The following RNF19B variants were observed in gnomAD, a reference collection of about 807,000 sequenced individuals.
RNF19B encodes E3 ubiquitin-protein ligase RNF19B.
In RNF19B, 23 loss-of-function variants were observed where a neutral mutation model predicts 65.5. The observed-to-expected ratio is 0.35, with a 90% CI of 0.25 to 0.50. The LOEUF (loss-of-function observed/expected upper bound fraction) is 0.50, where lower values mean the gene tolerates loss of function less well. Ranked by LOEUF, RNF19B falls within the 20% of genes least tolerant of loss-of-function variation. RNF19B has a pLI of 0.98. For synonymous variants in RNF19B, 372 were observed against 379.6 expected (o/e 0.98, Z 0.23); for missense variants, 794 against 980.0 (o/e 0.81, Z 2.53).
chr1:32,929,693 G>A, the RNF19B span, among the ~76,000 whole-genome samples: 73 of 152,290 alleles, frequency 4.8e-4, no homozygotes, highest in African/African-American at 1.8e-3. Context: ...AAGGGCTTCA[G>A]CTCTGAGAAT....
At chr1:32,942,527 G>T in intron 6 of RNF19B, 68 bp from the exon 7 acceptor site, 1 of 1,366,710 alleles carries the variant, frequency 7.3e-7, no homozygotes. Flanking sequence ...GCATTTTCCT[G>T]CAATGACTTT....
rs1293508176 is a variant in RNF19B, at chr1:32,944,016, T to C, written c.1402+3A>G. On this transcript the variant is annotated splice_donor_region_variant and intron_variant, in intron 6 of 8. Transcript: ENST00000235150. Reference sequence around the variant, plus strand: ...AAATGGAAATAAACATCCTGCTTTTTACCTGTGATTGGACCATCATCTTCA... The same window carrying C: ...AAATGGAAATAAACATCCTGCTTTTCACCTGTGATTGGACCATCATCTTCA... The C allele has an allele frequency of 4.4e-6, 7 of 1,599,230 alleles. No individual in the cohort carries two copies. The highest frequency in any genetic ancestry group is 1.7e-5 in the Admixed American group (1 of 57,532).
At chr1:32,943,498 C>T (rs1642288743) in intron 6 of RNF19B, among the ~76,000 whole-genome samples, 1 of 151,922 alleles carries the variant, frequency 6.6e-6, no homozygotes, top group Admixed American at 6.6e-5. Flanking sequence ...TTGCTGTAGT[C>T]CCAGCTACTC....
At chr1:32,958,861 T>C (rs1355473156) in intron 1 of RNF19B, among the ~76,000 whole-genome samples, 1 of 152,094 alleles carries the variant, frequency 6.6e-6, no homozygotes, top group Non-Finnish European at 1.5e-5. Context: ...GTGATACAGA[T>C]GTTCTCCTTT....
chr1:32,932,091 C>T (rs1642035327), downstream of RNF19B, among the ~76,000 whole-genome samples: 1 of 152,170 alleles, frequency 6.6e-6, no homozygotes, highest in Non-Finnish European at 1.5e-5. Flanking sequence ...GAAAAGGATT[C>T]AACACAGGTA....
In RNF19B at chr1:32,964,587, G is replaced by A; in HGVS notation, c.99C>T (p.Leu33=). ...AGGCAGAGAAGACGCTGTGCAAGGT[G>A]AGGCGCCGGCGCCGGCCGCCGCTGC... ...KCRSGGRRRR[L]TLHSVFSASA... is the part of the protein sequence containing the mutation. Residue 33 remains leucine, a synonymous_variant, in exon 1 of 9, where the codon CTC becomes CTT. Transcript: ENST00000235150. This position sits in a 1 kb window ranked among gnomAD's most constrained non-coding sequence, Gnocchi z 6.5. 6.9e-7 allele frequency: 1 copy of A among 1,443,480 alleles called. No individual in the cohort carries two copies. Among genetic ancestry groups the A allele is most frequent in the Non-Finnish European group, 9.1e-7 (1 of 1,100,742 alleles). 89.4% of individuals were successfully genotyped at this position (1,443,480 alleles called of 1,614,324 possible). A position where few individuals can be genotyped will look rare whatever the true frequency, so the allele number is the denominator to read the frequency against.
chr1:32,964,053 G>A lies in RNF19B; in HGVS notation c.633C>T (p.Cys211=), dbSNP rs1642838012. 2.7e-6 allele frequency: 4 copies of A among 1,490,382 alleles called. No homozygotes were observed. The South Asian group carries it at 5.2e-5, about 19-fold the overall frequency. 92.3% of individuals were successfully genotyped at this position (1,490,382 alleles called of 1,614,324 possible). Residue 211 remains cysteine (C), a splice_region_variant and synonymous_variant, in exon 1 of 9, where the codon TGC becomes TGT. Transcript: ENST00000235150. This position sits in a 1 kb window ranked among gnomAD's most constrained non-coding sequence, Gnocchi z 6.5. ...PDCRWCPAPD[C]GYAVIAYGCA... ...CCGCGCCACGCCCCCGCGCTCACCC[G>A]CAGTCCGGGGCCGGGCACCAGCGGC...
In RNF19B at chr1:32,945,611, C is replaced by T. The variant is rs746628622; in HGVS notation, c.1164G>A (p.Glu388=). 1.2e-6 allele frequency: 2 copies of T among 1,608,200 alleles called. No homozygotes were observed. Among genetic ancestry groups the T allele is most frequent in the South Asian group, 1.1e-5 (1 of 90,960 alleles). The change falls in exon 5 of 9, where the codon GAG becomes GAA. Residue 388 remains glutamate, a synonymous_variant. Coordinates refer to ENST00000235150, the MANE Select transcript of RNF19B (RefSeq NM_001300826.2). ...TCTTGTGTTTGGAGGTTTTCCTTCC[C>T]TCATACCTGCTGTGAATCTAAGAAT... ...YVGRKIHSRY[E]GRKTSKHKRN...
chr1:32,935,231 A>G (rs1165700649), downstream of RNF19B, among the ~76,000 whole-genome samples: 2 of 146,988 alleles, frequency 1.4e-5, no homozygotes, highest in African/African-American at 5.0e-5. Flanking sequence ...AGCACCTCCC[A>G]GGTTCAAGCG....
intron 1 of RNF19B, among the ~76,000 whole-genome samples, chr1:32,956,118 C>A (rs192194056): frequency 6.6e-6 from 1 of 152,176 alleles, no homozygotes; most frequent in Non-Finnish European, 1.5e-5. Context: ...GTAATCCCAG[C>A]ACTTTGGGAG....
At chr1:32,945,396 T>C in intron 5 of RNF19B, 118 bp downstream of exon 5, 2 of 605,436 alleles carry the variant, frequency 3.3e-6, no homozygotes, top group East Asian at 2.7e-5. Context: ...CTAACAGAAT[T>C]TACTATCAAG....
At position 32,937,025 on chromosome 1, in the gene RNF19B, A is replaced by C. The variant is rs949871885; in HGVS notation, c.1977T>G (p.Pro659=). The C allele has an allele frequency of 1.2e-6, 2 of 1,614,176 alleles. No homozygotes were observed. The highest frequency in any genetic ancestry group is 8.5e-7 in the Non-Finnish European group (1 of 1,180,032). ...TCTCTAGGTCACTGCGGATGCTTTC[A>C]GGCTGGGCCAGGCTGATGTCCCAAG... ...SKPWDISLAQ[P]ESIRSDLESS... Residue 659 remains proline, a synonymous_variant, in exon 9 of 9, where the codon CCT becomes CCG. Transcript: ENST00000235150.
At chr1:32,939,634 A>G (rs1222832310) in intron 7 of RNF19B, among the ~76,000 whole-genome samples, 1 of 152,248 alleles carries the variant, frequency 6.6e-6, no homozygotes, top group Non-Finnish European at 1.5e-5. Context: ...GACATACAGG[A>G]GCCAACCTCT....
intron 7 of RNF19B, among the ~76,000 whole-genome samples, chr1:32,938,751 A>G (rs893385566): frequency 6.6e-6 from 1 of 152,140 alleles, no homozygotes; most frequent in Non-Finnish European, 1.5e-5. Flanking sequence ...GCTGAACTTC[A>G]GGTTTTCATC....
At chr1:32,950,555 CTTT>C (rs879739268) in intron 1 of RNF19B, among the ~76,000 whole-genome samples, 1 of 145,482 alleles carries the variant, frequency 6.9e-6, no homozygotes. Flanking sequence ...TTAATTCCTT[CTTT>C]TTTTTTTTTG....
At chr1:32,943,915 C>G in intron 6 of RNF19B, 104 bp downstream of exon 6, 1 of 1,178,884 alleles carries the variant, frequency 8.5e-7, no homozygotes, top group South Asian at 1.5e-5. Context: ...AGCTCATTAT[C>G]CAAAGTAATC....
intron 1 of RNF19B, among the ~76,000 whole-genome samples, chr1:32,959,881 CAAAAAAAA>C (rs35488614): frequency 1.1e-5 from 1 of 93,180 alleles, no homozygotes; most frequent in African/African-American, 3.9e-5. Flanking sequence ...ACTAAAAATA[CAAAAAAAA>C]AAAAAAAAAA....
At position 32,937,227 on chromosome 1, in the gene RNF19B, A is replaced by G; in HGVS notation, c.1775T>C (p.Ile592Thr). The change falls in exon 9 of 9, where the codon ATT becomes ACT. Residue 592 changes from isoleucine (I) to threonine (T), a missense_variant. This residue lies in a region of RNF19B where 368 missense variants were observed against 447.3 expected (regional missense o/e 0.82). Transcript: ENST00000235150. ...CTGATAGTGGCTTGGTTTGGCTTCA[A>G]TGTCCACTTGGATTTCCATATTGTT... ...ECNNMEIQVD[I>T]EAKPSHYQLV... is the part of the protein sequence containing the mutation. The G allele has an allele frequency of 6.2e-7, 1 of 1,613,958 alleles. No homozygotes were observed. The highest frequency in any genetic ancestry group is 8.5e-7 in the Non-Finnish European group (1 of 1,179,988).
chr1:32,951,084 T>C (rs375807822), intron 1 of RNF19B, among the ~76,000 whole-genome samples: 6 of 150,800 alleles, frequency 4.0e-5, no homozygotes, highest in African/African-American at 1.2e-4. Context: ...TGATCCGCCC[T>C]CCTCGGCCTC....
Sources: gnomAD v4.1 joint callset for allele counts (sites outside exome capture counted in the v4.1 genomes callset) on GRCh38, gnomAD v4.1.1 for gene constraint, gnomAD v4.1.1 regional missense constraint, Gnocchi (gnomAD v3.1) non-coding constraint, MANE v1.5 for transcripts, NCBI Gene and HGNC (gene_info 2026-07-23, HGNC 2026-07-21) for gene names.